Variants in MVB12B observed in about 807,000 individuals in gnomAD.
MVB12B encodes the protein ESCRT-I complex subunit MVB12B.
Under a neutral mutation model 41.6 loss-of-function variants are expected in MVB12B, and 16 were observed. The ratio of observed to expected loss-of-function variants is 0.38; its 90% CI spans 0.26 to 0.58. The LOEUF is 0.58. Among genes scored for constraint, MVB12B ranks in the 20% least tolerant of loss-of-function variants. MVB12B has a pLI of 0.62. For missense variants in MVB12B, 274 were observed against 380.2 expected (o/e 0.72, Z 2.32); for synonymous variants, 133 against 139.7 (o/e 0.95, Z 0.34).
chr9:126,439,081 G>A (rs1039295293), intron 7 of MVB12B, among the ~76,000 whole-genome samples: 3 of 152,038 alleles, frequency 2.0e-5, no homozygotes, highest in African/African-American at 4.8e-5. Flanking sequence ...TGGGGGAATC[G>A]GACTTTTTTT....
chr9:126,424,434 A>G (rs1832113076), intron 7 of MVB12B, among the ~76,000 whole-genome samples: 3 of 152,136 alleles, frequency 2.0e-5, no homozygotes, highest in African/African-American at 4.8e-5. Flanking sequence ...GACGAAGGGA[A>G]TCATTTAGCC....
intron 6 of MVB12B, chr9:126,396,938 C>T (rs1435147853): frequency 3.0e-6 from 3 of 985,450 alleles, no homozygotes; most frequent in Non-Finnish European, 3.6e-6. Flanking sequence ...ACTTCTGAGC[C>T]AGAGCGCTGT....
chr9:126,388,546 T>G (rs543352111), intron 4 of MVB12B, among the ~76,000 whole-genome samples: 2 of 152,350 alleles, frequency 1.3e-5, no homozygotes, highest in Admixed American at 6.5e-5. Context: ...CTGTTGGGTA[T>G]CTACCTAGTC....
chr9:126,441,235 G>C (rs1374943752), intron 7 of MVB12B, among the ~76,000 whole-genome samples: 1 of 152,192 alleles, frequency 6.6e-6, no homozygotes, highest in Non-Finnish European at 1.5e-5. Context: ...GCTATTTCCA[G>C]ATTCCTCTGC....
At chr9:126,387,074 T>C (rs1830817831) in intron 4 of MVB12B, among the ~76,000 whole-genome samples, 1 of 151,972 alleles carries the variant, frequency 6.6e-6, no homozygotes, top group East Asian at 1.9e-4. Context: ...TTGGGGCCCG[T>C]TGAGCAAACA....
At chr9:126,438,974 G>A (rs1317904086) in intron 7 of MVB12B, among the ~76,000 whole-genome samples, 10 of 151,978 alleles carry the variant, frequency 6.6e-5, no homozygotes, top group East Asian at 1.9e-4. Flanking sequence ...GTTCTGGTCC[G>A]CCTCATCAGC....
chr9:126,429,078 G>A (rs779296058), intron 7 of MVB12B, among the ~76,000 whole-genome samples: 1 of 152,108 alleles, frequency 6.6e-6, no homozygotes, highest in Non-Finnish European at 1.5e-5. Context: ...ATAGCATATG[G>A]GAAAATTCCT....
At chr9:126,388,282 T>G (rs1027953809) in intron 4 of MVB12B, among the ~76,000 whole-genome samples, 30 of 152,244 alleles carry the variant, frequency 2.0e-4, no homozygotes, top group African/African-American at 7.0e-4. Flanking sequence ...ATAAATGGAA[T>G]CATACAGCGT....
intron 9 of MVB12B, among the ~76,000 whole-genome samples, chr9:126,502,172 T>C (rs1481074488): frequency 3.3e-5 from 5 of 152,188 alleles, no homozygotes; most frequent in Admixed American, 6.5e-5. Context: ...CTAAAATCCA[T>C]GTGACCATGA....
At chr9:126,433,537 A>G (rs998810187) in intron 7 of MVB12B, among the ~76,000 whole-genome samples, 3 of 150,550 alleles carry the variant, frequency 2.0e-5, no homozygotes, top group Admixed American at 2.0e-4. Flanking sequence ...CTTCTCCCCT[A>G]CTCTAGCTCT....
At chr9:126,434,062 A>G (rs1832401729) in intron 7 of MVB12B, among the ~76,000 whole-genome samples, 1 of 152,184 alleles carries the variant, frequency 6.6e-6, no homozygotes, top group Admixed American at 6.5e-5. Context: ...AATGCATTTA[A>G]CTGCTGACAT....
intron 7 of MVB12B, among the ~76,000 whole-genome samples, chr9:126,479,366 G>A (rs914183140): frequency 1.3e-5 from 2 of 152,152 alleles, no homozygotes; most frequent in Non-Finnish European, 1.5e-5. Context: ...CTGGATATCC[G>A]GTGGGACTTG....
intron 7 of MVB12B, among the ~76,000 whole-genome samples, chr9:126,446,052 T>A (rs145721432): frequency 4.5e-4 from 69 of 152,316 alleles, no homozygotes; most frequent in African/African-American, 1.5e-3. Context: ...GCTTCTAGTG[T>A]CCCATGGTTA....
intron 2 of MVB12B, among the ~76,000 whole-genome samples, chr9:126,374,348 T>C (rs1225456583): frequency 6.6e-6 from 1 of 152,242 alleles, no homozygotes; most frequent in Non-Finnish European, 1.5e-5. Flanking sequence ...TGCTTACATT[T>C]AACCTCAGCG....
intron 7 of MVB12B, among the ~76,000 whole-genome samples, chr9:126,476,171 G>C (rs1456449163): frequency 2.0e-5 from 3 of 152,258 alleles, no homozygotes; most frequent in African/African-American, 7.2e-5. Flanking sequence ...AGTGGCTGCT[G>C]TGCGGCATCC....
chr9:126,413,881 G>A (rs1831728554), intron 6 of MVB12B, among the ~76,000 whole-genome samples: 1 of 147,902 alleles, frequency 6.8e-6, no homozygotes, highest in African/African-American at 2.5e-5. Context: ...AAAGTGGCAG[G>A]TGCCTCTGAC....
At chr9:126,415,342 C>G (rs1564319034) in intron 6 of MVB12B, among the ~76,000 whole-genome samples, 6 of 152,302 alleles carry the variant, frequency 3.9e-5, no homozygotes. Flanking sequence ...AGTCCATAGA[C>G]ACTGGATGCT....
rs1277195614 is a variant in MVB12B at position 126,505,145 on chromosome 9, C to G, written c.*1882C>G. 2 of 152,286 alleles carry G rather than the reference C, an allele frequency of 1.3e-5. No homozygotes were observed. The highest frequency in any genetic ancestry group is 2.9e-5 in the Non-Finnish European group (2 of 68,106). 9.4% of individuals were successfully genotyped at this position (152,286 alleles called of 1,614,324 possible). On this transcript the variant is annotated 3_prime_UTR_variant, in exon 10 of 10. Transcript: ENST00000361171. ...CTTTGTCCTTCACCTCTTTTCGTGCCCTGGTTGTGAGATTGCCTCTAACAG... is the reference window on the plus strand; with the variant it reads ...CTTTGTCCTTCACCTCTTTTCGTGCGCTGGTTGTGAGATTGCCTCTAACAG...
rs758130812 is a variant in MVB12B at position 126,483,969 on chromosome 9, T to G, written c.814-4T>G. 3 of 1,613,984 alleles carry G rather than the reference T, an allele frequency of 1.9e-6. No homozygotes were observed. Among genetic ancestry groups the G allele is most frequent in the Non-Finnish European group, 1.7e-6 (2 of 1,179,900 alleles). The stretch of plus-strand genomic sequence containing the variant: ...TAAAAGGGCAACTTCATCTGTGTTT[T>G]CAGATGCAGCCCTTTGATCTCCTGG... On this transcript the variant is annotated splice_polypyrimidine_tract_variant and splice_region_variant and intron_variant, in intron 8 of 9. Transcript: ENST00000361171.
Sources: gnomAD v4.1 joint callset for allele counts (sites outside exome capture counted in the v4.1 genomes callset) on GRCh38, gnomAD v4.1.1 for gene constraint, MANE v1.5 for transcripts, NCBI Gene and HGNC (gene_info 2026-07-23, HGNC 2026-07-21) for gene names.